The following ATG7 variants were observed in gnomAD, a reference collection of about 807,000 sequenced individuals.
ATG7 encodes ubiquitin-like modifier-activating enzyme ATG7.
A neutral mutation model predicts 82.4 loss-of-function variants in ATG7; 70 were observed. That is an observed-to-expected ratio of 0.85 (90% CI 0.70 to 1.04). The LOEUF is 1.04. ATG7 is among the 50% of genes least tolerant of loss of function. The pLI is 0.00. For missense variants in ATG7, 792 were observed against 864.3 expected (o/e 0.92, Z 1.05); for synonymous variants, 287 against 313.0 (o/e 0.92, Z 0.88).
Position 11,390,660 on chromosome 3 carries a change from TGG to T in ATG7, c.1956+10610_1956+10611del, listed in dbSNP as rs552409404. 2.5e-4 allele frequency among the ~76,000 whole-genome samples: 27 copies of T among 107,498 alleles called. 1 individual carries two copies. In the South Asian group the frequency reaches 0.013, roughly 52 times the overall value. The allele number at this position is 107,498 out of a possible 152,430, so 70.5% of individuals were successfully genotyped here. On this transcript the variant is annotated intron_variant, in intron 19 of 20. Transcript: ENST00000693202. ...AGCAGTGGTAACTTTTTGACCTTTG[TGG>T]GTGGGTTTGATTTTTTTTTTTTTCC...
At chr3:11,388,434 T>TC (rs199731819) in intron 19 of ATG7, among the ~76,000 whole-genome samples, 1,907 of 143,426 alleles carry the variant, frequency 0.013, 38 homozygotes, top group African/African-American at 0.047. Flanking sequence ...TGTTCCTTCT[T>TC]TTTTTTTTTT....
At chr3:11,394,959 CAG>C (rs905300014) in intron 19 of ATG7, among the ~76,000 whole-genome samples, 2 of 152,088 alleles carry the variant, frequency 1.3e-5, no homozygotes, top group African/African-American at 4.8e-5. Context: ...TACAGACATA[CAG>C]AGATTCTAGA....
At chr3:11,451,845 C>CTATA (rs1559652674) in intron 20 of ATG7, among the ~76,000 whole-genome samples, 1 of 149,760 alleles carries the variant, frequency 6.7e-6, no homozygotes, top group African/African-American at 2.5e-5. Context: ...CTATCTCTCT[C>CTATA]TCTATATATA....
At chr3:11,374,983 GCTTGAGC>G (rs1489779039) in intron 18 of ATG7, among the ~76,000 whole-genome samples, 1 of 148,656 alleles carries the variant, frequency 6.7e-6, no homozygotes, top group Non-Finnish European at 1.5e-5. Flanking sequence ...TGGGAGGATC[GCTTGAGC>G]CCTGAGTCCA....
intron 20 of ATG7, among the ~76,000 whole-genome samples, chr3:11,492,906 G>A (rs530064385): frequency 1.1e-4 from 16 of 152,378 alleles, no homozygotes; most frequent in African/African-American, 3.8e-4. Context: ...CAAGGCCCCA[G>A]AGGGCATGTT....
At chr3:11,517,339 CAA>C (rs201459450) in intron 20 of ATG7, among the ~76,000 whole-genome samples, 63 of 112,282 alleles carry the variant, frequency 5.6e-4, no homozygotes, top group African/African-American at 1.7e-3. Context: ...GACTCCACCT[CAA>C]AAAAAAAAAA....
At chr3:11,343,451 G>A (rs566322225) in intron 13 of ATG7, among the ~76,000 whole-genome samples, 4 of 152,040 alleles carry the variant, frequency 2.6e-5, no homozygotes, top group Non-Finnish European at 5.9e-5. Context: ...TTTGGGTTGT[G>A]TCTTTTATTG....
intron 5 of ATG7, among the ~76,000 whole-genome samples, chr3:11,303,054 C>T (rs1947039463): frequency 1.3e-5 from 2 of 152,172 alleles, no homozygotes; most frequent in African/African-American, 4.8e-5. Context: ...TGTTGTGGCT[C>T]CATTATCCCT....
At chr3:11,326,286 G>GTTT (rs60421306) in intron 9 of ATG7, among the ~76,000 whole-genome samples, 4 of 146,624 alleles carry the variant, frequency 2.7e-5, no homozygotes, top group African/African-American at 5.2e-5. Context: ...TGTAAATGCT[G>GTTT]TTTTTTTTTT....
chr3:11,495,623 T>A (rs1486232077), intron 20 of ATG7, among the ~76,000 whole-genome samples: 1 of 151,758 alleles, frequency 6.6e-6, no homozygotes, highest in Non-Finnish European at 1.5e-5. Context: ...GACTTAATGA[T>A]CCACCTATGG....
chr3:11,403,287 G>A (rs1287810538), intron 19 of ATG7, among the ~76,000 whole-genome samples: 4 of 151,996 alleles, frequency 2.6e-5, no homozygotes, highest in Non-Finnish European at 4.4e-5. Flanking sequence ...CCTCATTGGA[G>A]TAAGTTAAAG....
At chr3:11,404,965 A>C (rs1173357447) in intron 19 of ATG7, among the ~76,000 whole-genome samples, 2 of 152,190 alleles carry the variant, frequency 1.3e-5, no homozygotes, top group Non-Finnish European at 2.9e-5. Context: ...GGACACAGCC[A>C]AATCATATCA....
chr3:11,455,683 C>A (rs1425997496), intron 20 of ATG7, among the ~76,000 whole-genome samples: 4 of 152,148 alleles, frequency 2.6e-5, no homozygotes, highest in African/African-American at 9.7e-5. Context: ...TGTCTTAACC[C>A]CTCAGAGTTA....
intron 1 of ATG7, among the ~76,000 whole-genome samples, chr3:11,278,328 A>G (rs368693759): frequency 2.2e-4 from 34 of 152,340 alleles, no homozygotes; most frequent in South Asian, 1.0e-3. Flanking sequence ...TTATGTTCAG[A>G]GATTGAAGTA....
intron 1 of ATG7, among the ~76,000 whole-genome samples, chr3:11,273,451 C>T (rs375073264): frequency 4.3e-4 from 65 of 152,222 alleles, no homozygotes; most frequent in African/African-American, 1.5e-3. Context: ...GGAATCACCC[C>T]TGCATTTAAT....
At position 11,458,920 on chromosome 3, in the gene ATG7, G is replaced by A. The variant is rs150853781; in HGVS notation, c.2079+31994G>A. Among the ~76,000 whole-genome samples, 289 of 152,194 alleles carry A rather than the reference G, an allele frequency of 1.9e-3. 1 individual carries two copies. Among genetic ancestry groups the A allele is most frequent in the South Asian group, 0.011 (51 of 4,816 alleles). ...CGGAGCATTAGATTCTCATAGGGGC[G>A]GGAACACAATTGTGAACTGTTCATG... is the stretch of plus-strand genomic sequence containing the variant. On this transcript the variant is annotated intron_variant, in intron 20 of 20. Coordinates refer to ENST00000693202, the MANE Select transcript of ATG7 (RefSeq NM_001349232.2).
chr3:11,455,554 C>G (rs528535980), intron 20 of ATG7, among the ~76,000 whole-genome samples: 1 of 152,266 alleles, frequency 6.6e-6, no homozygotes, highest in Admixed American at 6.5e-5. Flanking sequence ...CGGTGACATC[C>G]ATTTTTCCTA....
the ATG7 span, chr3:11,568,965 A>C: frequency 8.5e-7 from 1 of 1,180,320 alleles, no homozygotes; most frequent in Non-Finnish European, 1.1e-6. The surrounding 1 kb of genome is among the most constrained non-coding windows in gnomAD (Gnocchi z 5.9). Flanking sequence ...TGGAAAGAGG[A>C]GGGAGGGAAA....
intron 20 of ATG7, among the ~76,000 whole-genome samples, chr3:11,521,530 C>T (rs1192203428): frequency 6.7e-6 from 1 of 148,804 alleles, no homozygotes; most frequent in African/African-American, 2.5e-5. Context: ...AGCAGCATGG[C>T]CTGGCCAGCC....
Sources: allele counts gnomAD v4.1 joint callset (sites outside exome capture counted in the v4.1 genomes callset), GRCh38; gene constraint gnomAD v4.1.1; non-coding constraint Gnocchi (gnomAD v3.1); transcripts MANE v1.5; gene names NCBI Gene and HGNC (gene_info 2026-07-23, HGNC 2026-07-21).